Variants in BCOR observed in about 807,000 individuals in gnomAD.
The protein encoded by BCOR is BCL6 corepressor.
A neutral mutation model predicts 86.7 loss-of-function variants in BCOR; 10 were observed. The ratio of observed to expected loss-of-function variants is 0.12; its 90% CI spans 0.07 to 0.20. The LOEUF (loss-of-function observed/expected upper bound fraction) is 0.20. Ranked by LOEUF, BCOR falls within the 10% of genes least tolerant of loss-of-function variation. The probability of loss-of-function intolerance (pLI) is 1.00; values close to 1 mark genes in which losing one functional copy is unlikely to be tolerated. For synonymous variants in BCOR, 611 were observed against 609.0 expected, an observed-to-expected ratio of 1.00 and a Z score of -0.05; for missense variants, 1,259 against 1,452.1, an observed-to-expected ratio of 0.87 and a Z score of 2.16.
chrX:40,097,371 G>C lies in BCOR; in HGVS notation c.-197C>G, dbSNP rs1041266846. On this transcript the variant is annotated 5_prime_UTR_variant, in exon 1 of 15. Coordinates refer to ENST00000378444, the MANE Select transcript of BCOR (RefSeq NM_001123385.2). ...GGGGGGTTGGCGACGTTAACGAGCG[G>C]AGAAGGAGCCGGGCCGGAGAAGCGC... The C allele has an allele frequency of 1.8e-5, 2 of 110,591 alleles. No individual in the cohort carries two copies. Among genetic ancestry groups the C allele is most frequent in the Non-Finnish European group, 3.8e-5 (2 of 52,402 alleles). 9.1% of individuals were successfully genotyped at this position (110,591 alleles called of 1,213,427 possible).
Position 40,073,316 on chromosome X carries a change from C to T in BCOR, c.2030G>A (p.Gly677Glu), listed in dbSNP as rs3749422. 3 of 1,209,859 alleles carry T rather than the reference C, an allele frequency of 2.5e-6. No homozygotes were observed. The East Asian group carries it at 8.9e-5, about 36-fold the overall frequency. ...AVSPLSLHGK[G>E]PVYPHPVLLP... Reference sequence around the variant, plus strand: ...CAAAACTGGGTGAGGGTAGACAGGTCCTTTGCCATGTAAGGAGAGGGGACT... The same window carrying T: ...CAAAACTGGGTGAGGGTAGACAGGTTCTTTGCCATGTAAGGAGAGGGGACT... Residue 677 changes from glycine to glutamate, a missense_variant, in exon 4 of 15, where the codon GGA becomes GAA. Physicochemically the swap from Gly to Glu is moderately conservative, Grantham distance 98 (BLOSUM62 -2). Around this residue, in one of 7 missense-constraint regions of BCOR, gnomAD observed 534 missense variants for 594.8 expected, o/e 0.90. Transcript: ENST00000378444.
intron 1 of BCOR, among the ~76,000 whole-genome samples, chrX:40,154,099 G>C (rs898603384): frequency 7.2e-5 from 8 of 111,312 alleles, no homozygotes; most frequent in African/African-American, 2.6e-4. Context: ...AGCGTTCGCT[G>C]GCTGCTCTGG....
At chrX:40,169,047 C>T (rs1233752500) in intron 1 of BCOR, among the ~76,000 whole-genome samples, 1 of 112,696 alleles carries the variant, frequency 8.9e-6, no homozygotes, top group Non-Finnish European at 1.9e-5. Context: ...GGCCGAGGGC[C>T]TCACTTTAGT....
chrX:40,091,056 T>C (rs1936588874), intron 1 of BCOR, among the ~76,000 whole-genome samples: 1 of 112,019 alleles, frequency 8.9e-6, no homozygotes, highest in African/African-American at 3.3e-5. Flanking sequence ...TCCCAAGTTG[T>C]GACCTTCCGA....
chrX:40,062,639 G>T (rs1164420740), intron 9 of BCOR, 107 bp downstream of exon 9: 2 of 832,616 alleles, frequency 2.4e-6, no homozygotes, highest in Admixed American at 2.6e-5. Flanking sequence ...CGTGTGGTGT[G>T]GGGGAGGAGT....
intron 12 of BCOR, among the ~76,000 whole-genome samples, chrX:40,054,538 C>T (rs771430270): frequency 7.9e-4 from 83 of 105,087 alleles, no homozygotes; most frequent in African/African-American, 2.9e-3. Context: ...TGCTCTGTTG[C>T]CCAGGCTGGA....
intron 1 of BCOR, among the ~76,000 whole-genome samples, chrX:40,124,666 G>T (rs1452178768): frequency 9.1e-6 from 1 of 110,221 alleles, no homozygotes; most frequent in African/African-American, 3.3e-5. Context: ...TCAGTGGCGA[G>T]ATCATGGCCC....
chrX:40,076,771 T>C (rs1049773030), intron 2 of BCOR, among the ~76,000 whole-genome samples: 1 of 112,611 alleles, frequency 8.9e-6, no homozygotes, highest in Non-Finnish European at 1.9e-5. Flanking sequence ...ATCACAAATA[T>C]GATGTCCCCA....
chrX:40,093,322 T>C (rs977498884), intron 1 of BCOR, among the ~76,000 whole-genome samples: 17 of 112,092 alleles, frequency 1.5e-4, no homozygotes, highest in East Asian at 5.6e-4. Context: ...AATGTGGCTC[T>C]TTCCCAGGCC....
At chrX:40,171,778 A>G (rs1938626185) in intron 1 of BCOR, among the ~76,000 whole-genome samples, 1 of 113,102 alleles carries the variant, frequency 8.8e-6, no homozygotes, top group East Asian at 2.8e-4. Context: ...CAACCCGGAG[A>G]GGGAGCCGGA....
At chrX:40,101,825 T>G (rs1937079483), upstream of BCOR, among the ~76,000 whole-genome samples, 1 of 112,753 alleles carries the variant, frequency 8.9e-6, no homozygotes, top group South Asian at 3.6e-4. Flanking sequence ...TCGGAGGCTG[T>G]TCTCAGGGCG....
intron 1 of BCOR, among the ~76,000 whole-genome samples, chrX:40,174,738 G>A (rs1938705095): frequency 8.9e-6 from 1 of 112,643 alleles, no homozygotes; most frequent in Admixed American, 9.3e-5. Context: ...TGTCTTCTTA[G>A]GACACAGACT....
chrX:40,162,789 C>T (rs746109248), intron 1 of BCOR, among the ~76,000 whole-genome samples: 1 of 112,299 alleles, frequency 8.9e-6, no homozygotes, highest in Non-Finnish European at 1.9e-5. Context: ...TTTTCCACCA[C>T]GTTTCTATCT....
At chrX:40,168,000 C>T (rs1169661483) in intron 1 of BCOR, among the ~76,000 whole-genome samples, 1 of 112,545 alleles carries the variant, frequency 8.9e-6, no homozygotes, top group East Asian at 2.8e-4. Context: ...GCGCTGGCTC[C>T]TCTCCTCCCT....
intron 1 of BCOR, among the ~76,000 whole-genome samples, chrX:40,145,627 C>A: frequency 8.9e-6 from 1 of 111,958 alleles, no homozygotes; most frequent in African/African-American, 3.2e-5. Flanking sequence ...CACAAAGCTA[C>A]TTTCAGATTC....
chrX:40,111,042 A>G (rs949956769), intron 1 of BCOR, among the ~76,000 whole-genome samples: 5 of 110,523 alleles, frequency 4.5e-5, no homozygotes, highest in African/African-American at 1.6e-4. Context: ...ACAATATTGC[A>G]GCCAATTTGT....
chrX:40,073,630 G>A lies in BCOR; in HGVS notation c.1716C>T (p.Pro572=), dbSNP rs1210903139. Residue 572 remains proline, a synonymous_variant, in exon 4 of 15, where the codon CCC becomes CCT. Transcript: ENST00000378444. The part of the protein sequence containing the change: ...SSAGRPASAS[P]APNANADGTK... Reference sequence around the variant, plus strand: ...TGCCATCTGCATTGGCATTGGGGGCGGGTGATGCGGAGGCTGGGCGGCCTG... The same window carrying A: ...TGCCATCTGCATTGGCATTGGGGGCAGGTGATGCGGAGGCTGGGCGGCCTG... The A allele has an allele frequency of 5.8e-6, 7 of 1,211,166 alleles. No homozygotes were observed. In the Admixed American group the frequency reaches 6.5e-5, roughly 11 times the overall value.
At chrX:40,069,849 C>G (rs1204249838) in intron 6 of BCOR, among the ~76,000 whole-genome samples, 1 of 112,219 alleles carries the variant, frequency 8.9e-6, no homozygotes, top group East Asian at 2.8e-4. Context: ...ACATTGAGTC[C>G]CTGCCACTTG....
chrX:40,153,767 G>A (rs756785280), intron 1 of BCOR, among the ~76,000 whole-genome samples: 3 of 112,452 alleles, frequency 2.7e-5, no homozygotes, highest in African/African-American at 9.7e-5. Context: ...CAGCCGCGGG[G>A]GTTAGGGGGT....
Sources: allele counts gnomAD v4.1 joint callset (sites outside exome capture counted in the v4.1 genomes callset), GRCh38; gene constraint gnomAD v4.1.1; regional missense constraint gnomAD v4.1.1; transcripts MANE v1.5; gene names NCBI Gene and HGNC (gene_info 2026-07-23, HGNC 2026-07-21).